The following TMEM117 variants were observed in gnomAD, a reference collection of about 807,000 sequenced individuals.
TMEM117 encodes the protein transmembrane protein 117.
Under a neutral mutation model 52.4 loss-of-function variants are expected in TMEM117, and 27 were observed. The ratio of observed to expected loss-of-function variants is 0.51; its 90% CI spans 0.38 to 0.71. TMEM117 has a LOEUF of 0.71. TMEM117 is among the 30% of genes least tolerant of loss of function. TMEM117 has a pLI of 0.00. For synonymous variants in TMEM117, 215 were observed against 206.3 expected, an observed-to-expected ratio of 1.04 and a Z score of -0.36; for missense variants, 556 against 630.5, an observed-to-expected ratio of 0.88 and a Z score of 1.26.
intron 3 of TMEM117, among the ~76,000 whole-genome samples, chr12:43,962,475 C>T (rs1299110466): frequency 6.6e-6 from 1 of 151,972 alleles, no homozygotes; most frequent in Non-Finnish European, 1.5e-5. Flanking sequence ...AATTAATATC[C>T]TTATTTAATT....
At chr12:43,818,503 C>T in the TMEM117 span, among the ~76,000 whole-genome samples, 45 of 150,784 alleles carry the variant, frequency 3.0e-4, no homozygotes, top group Admixed American at 6.6e-4. Flanking sequence ...TGTAGTGGTG[C>T]AATCTTGGCT....
chr12:44,151,169 C>G (rs1948716218), intron 4 of TMEM117, among the ~76,000 whole-genome samples: 1 of 152,004 alleles, frequency 6.6e-6, no homozygotes, highest in East Asian at 1.9e-4. Context: ...CCACCAGAGA[C>G]AGGGGATGCT....
chr12:43,989,295 T>C (rs765938029), intron 3 of TMEM117, among the ~76,000 whole-genome samples: 4 of 152,154 alleles, frequency 2.6e-5, no homozygotes, highest in Non-Finnish European at 4.4e-5. Flanking sequence ...TTCATTGCTT[T>C]CTAGTCACTG....
intron 4 of TMEM117, among the ~76,000 whole-genome samples, chr12:44,150,087 C>A (rs1002343090): frequency 6.6e-6 from 1 of 152,194 alleles, no homozygotes; most frequent in Non-Finnish European, 1.5e-5. Flanking sequence ...TTGACCTCAA[C>A]CTACCCCTGA....
At chr12:44,164,650 A>G (rs1215505630) in intron 4 of TMEM117, among the ~76,000 whole-genome samples, 1 of 152,204 alleles carries the variant, frequency 6.6e-6, no homozygotes, top group Non-Finnish European at 1.5e-5. Context: ...AGATTCTGTA[A>G]ACTCTGGGAT....
intron 3 of TMEM117, among the ~76,000 whole-genome samples, chr12:44,117,673 G>A (rs1948168183): frequency 6.6e-6 from 1 of 152,046 alleles, no homozygotes; most frequent in African/African-American, 2.4e-5. Flanking sequence ...AGTAATTCTA[G>A]AACAACCTAC....
intron 5 of TMEM117, among the ~76,000 whole-genome samples, chr12:44,289,528 G>T (rs973714558): frequency 1.3e-5 from 2 of 149,224 alleles, no homozygotes; most frequent in Admixed American, 1.3e-4. Context: ...ATGTAAAAGA[G>T]ATCTGTTTTC....
intron 6 of TMEM117, among the ~76,000 whole-genome samples, chr12:44,357,610 A>C (rs2897810): frequency 0.56 from 84,913 of 151,852 alleles, 24,247 homozygotes; most frequent in East Asian, 0.9. Context: ...GGAAATCAAA[A>C]CCGCAACAAG....
chr12:44,086,466 C>T (rs1018795511), intron 3 of TMEM117, among the ~76,000 whole-genome samples: 5 of 152,074 alleles, frequency 3.3e-5, no homozygotes, highest in African/African-American at 9.7e-5. Flanking sequence ...CCGCCCCTCT[C>T]AGCCGCCCAA....
At chr12:43,829,074 A>AT in the TMEM117 span, among the ~76,000 whole-genome samples, 1 of 152,128 alleles carries the variant, frequency 6.6e-6, no homozygotes, top group Non-Finnish European at 1.5e-5. Flanking sequence ...AGGGCATGCT[A>AT]CTGTACCCAG....
intron 3 of TMEM117, among the ~76,000 whole-genome samples, chr12:44,119,125 C>T (rs1948192854): frequency 1.3e-5 from 2 of 152,178 alleles, no homozygotes; most frequent in South Asian, 2.1e-4. Flanking sequence ...GTGTGCCAAG[C>T]ACATCACCTT....
chr12:44,202,405 C>CTG (rs59674534), intron 4 of TMEM117, among the ~76,000 whole-genome samples: 36,736 of 151,924 alleles, frequency 0.24, 7,832 homozygotes, highest in African/African-American at 0.58. Flanking sequence ...CACGTGGTAA[C>CTG]TTTTTAATTC....
chr12:44,027,934 G>A (rs928918473), intron 3 of TMEM117, among the ~76,000 whole-genome samples: 4 of 152,094 alleles, frequency 2.6e-5, no homozygotes, highest in African/African-American at 4.8e-5. Context: ...GGCCGGGTGC[G>A]GTGGCTCACG....
intron 2 of TMEM117, among the ~76,000 whole-genome samples, chr12:43,913,627 C>T (rs1425081492): frequency 6.6e-6 from 1 of 152,124 alleles, no homozygotes; most frequent in Non-Finnish European, 1.5e-5. Context: ...TCCAGGTGTT[C>T]TCTGAGTTTA....
intron 6 of TMEM117, 197 bp from the exon 7 acceptor site, chr12:44,376,398 G>A: frequency 1.5e-6 from 1 of 675,210 alleles, no homozygotes. Context: ...TATAAGTTAT[G>A]ACTTAATTTT....
In TMEM117 at chr12:44,139,646, G is replaced by A. The variant is rs12581174; in HGVS notation, c.411-3879G>A. On this transcript the variant is annotated intron_variant, in intron 3 of 7. Transcript: ENST00000266534. The stretch of plus-strand genomic sequence containing the variant: ...GTAGAACTGCAAGATTTTCTAGATA[G>A]TGGAAAAAAGAAAACAAATAAAGCA... 4.6e-5 allele frequency among the ~76,000 whole-genome samples: 7 copies of A among 152,150 alleles called. No individual in the cohort carries two copies. The East Asian group carries it at 1.3e-3, about 29-fold the overall frequency.
chr12:44,032,805 G>A (rs1946653528), intron 3 of TMEM117, among the ~76,000 whole-genome samples: 1 of 152,152 alleles, frequency 6.6e-6, no homozygotes, highest in Non-Finnish European at 1.5e-5. Flanking sequence ...TAGTGAGGTA[G>A]GAATATCATT....
intron 6 of TMEM117, among the ~76,000 whole-genome samples, chr12:44,359,243 TAAC>T (rs1161486995): frequency 2.6e-5 from 4 of 151,154 alleles, no homozygotes; most frequent in African/African-American, 4.8e-5. Context: ...TGTGAGAAAA[TAAC>T]AAAGTGTCTA....
chr12:44,308,170 T>C (rs1950927397), intron 6 of TMEM117, among the ~76,000 whole-genome samples: 1 of 152,226 alleles, frequency 6.6e-6, no homozygotes, highest in Admixed American at 6.5e-5. Context: ...CCTGGGGTAT[T>C]CGTTTAAAAG....
Sources: gnomAD v4.1 joint callset for allele counts (sites outside exome capture counted in the v4.1 genomes callset) on GRCh38, gnomAD v4.1.1 for gene constraint, MANE v1.5 for transcripts, NCBI Gene and HGNC (gene_info 2026-07-23, HGNC 2026-07-21) for gene names.